The following ABCB4 variants were observed in gnomAD, a reference collection of about 807,000 sequenced individuals.
The protein encoded by ABCB4 is ATP binding cassette subfamily B member 4, also known as phosphatidylcholine translocator ABCB4.
A neutral mutation model predicts 145.7 loss-of-function variants in ABCB4; 76 were observed. The ratio of observed to expected loss-of-function variants is 0.52; its 90% CI spans 0.43 to 0.63. The LOEUF (loss-of-function observed/expected upper bound fraction) is 0.63. ABCB4 is among the 30% of genes least tolerant of loss of function. The pLI, the probability that ABCB4 is intolerant of heterozygous loss-of-function variation, is 0.00. For missense variants in ABCB4, 1,234 were observed against 1,553.1 expected, an observed-to-expected ratio of 0.79 and a Z score of 3.45; for synonymous variants, 517 against 566.8, an observed-to-expected ratio of 0.91 and a Z score of 1.25.
chr7:87,383,746 C>T, the ABCB4 span, among the ~76,000 whole-genome samples: 1 of 152,224 alleles, frequency 6.6e-6, no homozygotes, highest in East Asian at 1.9e-4. Context: ...ATCTGCGTGC[C>T]TTGGCCTCCC....
chr7:87,475,887 G>T (rs1813788613), upstream of ABCB4: 1 of 152,524 alleles, frequency 6.6e-6, no homozygotes, highest in Non-Finnish European at 1.5e-5. Flanking sequence ...CCGCCGGGGC[G>T]CCCGGCTGGG....
intron 5 of ABCB4, 115 bp downstream of exon 5, chr7:87,454,417 GATA>G (rs1811974088): frequency 1.2e-6 from 1 of 832,696 alleles, no homozygotes; most frequent in Non-Finnish European, 1.9e-6. Context: ...GAGCAAAAAT[GATA>G]ATAATAGGTG....
Position 87,446,382 on chromosome 7 carries a change from T to C in ABCB4, c.1005+652A>G, listed in dbSNP as rs1464364797. Among the ~76,000 whole-genome samples the C allele has an allele frequency of 2.6e-5, 4 of 152,176 alleles. No homozygotes were observed. In the East Asian group the frequency reaches 5.8e-4, roughly 22 times the overall value. ...AAATGTGGTTACAAAAAGATATACA[T>C]AGTATGATCCCAGTTTTGAAAGAAA... On this transcript the variant is annotated intron_variant, in intron 9 of 27. Transcript: ENST00000649586.
At chr7:87,385,518 A>G in the ABCB4 span, among the ~76,000 whole-genome samples, 1 of 152,122 alleles carries the variant, frequency 6.6e-6, no homozygotes, top group Non-Finnish European at 1.5e-5. Context: ...TAGAAATGCT[A>G]CTGATTTTAA....
the ABCB4 span, chr7:87,392,727 C>A: frequency 6.2e-7 from 1 of 1,612,896 alleles, no homozygotes; most frequent in Admixed American, 1.7e-5. Flanking sequence ...GGTTTCATTG[C>A]AGGATTTGAT....
chr7:87,389,646 T>C, the ABCB4 span, among the ~76,000 whole-genome samples: 1 of 152,038 alleles, frequency 6.6e-6, no homozygotes, highest in Non-Finnish European at 1.5e-5. Flanking sequence ...AGGGGAGGGA[T>C]AGCATTAGGA....
At chr7:87,368,185 T>A in the ABCB4 span, among the ~76,000 whole-genome samples, 2 of 152,218 alleles carry the variant, frequency 1.3e-5, no homozygotes, top group African/African-American at 4.8e-5. Flanking sequence ...GAAACACTTC[T>A]GCGGGTATTT....
chr7:87,426,833 G>A lies in ABCB4; in HGVS notation c.1981C>T (p.Arg661Cys), dbSNP rs757430984. 1.7e-5 allele frequency: 27 copies of A among 1,613,752 alleles called. No individual in the cohort carries two copies. The highest frequency in any genetic ancestry group is 2.0e-5 in the Non-Finnish European group (24 of 1,179,878). The change falls in exon 16 of 28, where the codon CGC becomes TGC. Residue 661 changes from arginine to cysteine, a missense_variant. Physicochemically the swap from Arg to Cys is radical, Grantham distance 180 (BLOSUM62 -3). Transcript: ENST00000649586. ...TRMAPNGWKS[R>C]LFRHSTQKNL... is the part of the protein sequence containing the mutation. ...TTCTGAGTAGAATGCCTAAATAGGC[G>A]AGATTTCCAGCCATTTGGGGCCATT...
chr7:87,393,904 T>C, the ABCB4 span, among the ~76,000 whole-genome samples: 1 of 152,118 alleles, frequency 6.6e-6, no homozygotes, highest in Non-Finnish European at 1.5e-5. Flanking sequence ...TTGAGACAAT[T>C]TGAAAAAACT....
chr7:87,434,984 A>G (rs1246110359), intron 14 of ABCB4, among the ~76,000 whole-genome samples: 1 of 152,222 alleles, frequency 6.6e-6, no homozygotes, highest in Non-Finnish European at 1.5e-5. Context: ...GGAAGGCCTG[A>G]TCAATGTATA....
At chr7:87,448,438 T>C (rs1305874288) in intron 8 of ABCB4, among the ~76,000 whole-genome samples, 1 of 152,242 alleles carries the variant, frequency 6.6e-6, no homozygotes, top group African/African-American at 2.4e-5. Flanking sequence ...TGCTTTCCTC[T>C]GGTTGGGGGC....
chr7:87,451,423 C>T (rs1052379068), intron 7 of ABCB4, among the ~76,000 whole-genome samples, 200 bp downstream of exon 7: 4 of 152,098 alleles, frequency 2.6e-5, no homozygotes, highest in African/African-American at 9.7e-5. Context: ...GAATGAGTCA[C>T]CACACCCAGC....
In ABCB4 at chr7:87,408,123, G is replaced by C. The variant is rs779141589; in HGVS notation, c.3193C>G (p.Leu1065Val). The C allele has an allele frequency of 6.2e-7, 1 of 1,614,236 alleles. No individual in the cohort carries two copies. Among genetic ancestry groups the C allele is most frequent in the African/African-American group, 1.3e-5 (1 of 75,070 alleles). Reference sequence around the variant, plus strand: ...CAGCCACTGCTGCCCACCAGGGCTAGTGTCTGGCCTTTCTTCACCTCCAGG... The same window carrying C: ...CAGCCACTGCTGCCCACCAGGGCTACTGTCTGGCCTTTCTTCACCTCCAGG... ...LSLEVKKGQT[L>V]ALVGSSGCGK... Residue 1065 changes from leucine (L) to valine (V), a missense_variant, in exon 25 of 28, where the codon CTA (leucine) becomes GTA (valine). Physicochemically the swap from Leu to Val is conservative, Grantham distance 32. Around this residue, in one of 7 missense-constraint regions of ABCB4, gnomAD observed 301 missense variants for 389.0 expected, o/e 0.77. Coordinates refer to ENST00000649586, the MANE Select transcript of ABCB4 (RefSeq NM_000443.4).
At chr7:87,385,148 T>C in the ABCB4 span, among the ~76,000 whole-genome samples, 1 of 152,264 alleles carries the variant, frequency 6.6e-6, no homozygotes, top group African/African-American at 2.4e-5. Flanking sequence ...TTTTTTTTTT[T>C]TCCCCTGGTA....
chr7:87,454,570 T>C lies in ABCB4; in HGVS notation c.309A>G (p.Leu103=), dbSNP rs778679830. ...CTTCTTCCAGAATTTTGCCTGGATT[T>C]AGCAGCGACAAGGAAAAGTTCACTA... is the stretch of plus-strand genomic sequence containing the variant. ...SFPVNFSLSL[L]NPGKILEEEM... The change falls in exon 5 of 28, where the codon CTA becomes CTG. Residue 103 remains leucine, a synonymous_variant. Transcript: ENST00000649586. The C allele has an allele frequency of 2.5e-6, 4 of 1,611,736 alleles. No individual in the cohort carries two copies. The highest frequency in any genetic ancestry group is 1.7e-4 in the Middle Eastern group (1 of 6,058).
At chr7:87,449,722 T>C (rs1308568791) in intron 8 of ABCB4, among the ~76,000 whole-genome samples, 1 of 152,146 alleles carries the variant, frequency 6.6e-6, no homozygotes, top group Admixed American at 6.5e-5. Flanking sequence ...TTTTGGTTTA[T>C]GCATTTAAAA....
chr7:87,422,092 G>A, intron 18 of ABCB4, 29 bp downstream of exon 18: 1 of 1,455,960 alleles, frequency 6.9e-7, no homozygotes, highest in Non-Finnish European at 9.6e-7. Context: ...TTATAAACTT[G>A]ATGAGAAAGG....
intron 6 of ABCB4, among the ~76,000 whole-genome samples, chr7:87,452,030 T>G (rs952844426): frequency 6.6e-6 from 1 of 152,142 alleles, no homozygotes; most frequent in African/African-American, 2.4e-5. Flanking sequence ...ATTAAATGAG[T>G]CAATCCTATG....
rs1273201053 is a variant in ABCB4 at position 87,443,325 on chromosome 7, C to T, written c.1350G>A (p.Glu450=). 6.2e-6 allele frequency: 10 copies of T among 1,613,924 alleles called. No homozygotes were observed. The highest frequency in any genetic ancestry group is 1.7e-6 in the Non-Finnish European group (2 of 1,179,980). Residue 450 remains glutamate (E), a synonymous_variant, in exon 12 of 28, where the codon GAG becomes GAA. Transcript: ENST00000649586. ...CTTGGTTCTTCCCACTTACTGTGCC[C>T]TCATCAGGGTCATAGAGCCTCTGTA... ...QLIQRLYDPD[E]GTINIDGQDI...
Sources: gnomAD v4.1 joint callset for allele counts (sites outside exome capture counted in the v4.1 genomes callset) on GRCh38, gnomAD v4.1.1 for gene constraint, gnomAD v4.1.1 regional missense constraint, MANE v1.5 for transcripts, NCBI Gene and HGNC (gene_info 2026-07-23, HGNC 2026-07-21) for gene names.